The following CELA3B variants were observed in gnomAD, a reference collection of about 807,000 sequenced individuals.
The protein encoded by CELA3B is chymotrypsin like elastase 3B.
A neutral mutation model predicts 37.2 loss-of-function variants in CELA3B; 34 were observed. That is an observed-to-expected ratio of 0.91 (90% CI 0.70 to 1.22). CELA3B has a LOEUF of 1.22. CELA3B is among the 50% of genes most tolerant of loss of function. CELA3B has a pLI of 0.00. For missense variants in CELA3B, 340 were observed against 363.1 expected, an observed-to-expected ratio of 0.94 and a Z score of 0.52; for synonymous variants, 127 against 143.5, an observed-to-expected ratio of 0.89 and a Z score of 0.82.
chr1:21,985,814 C>G (rs112193378), intron 6 of CELA3B, among the ~76,000 whole-genome samples: 69,782 of 151,788 alleles, frequency 0.46, 19,249 homozygotes, highest in Middle Eastern at 0.69. Context: ...TGGTGTGAAC[C>G]TGGGAGGCGG....
chr1:21,980,674 G>A lies in CELA3B; in HGVS notation c.130-150G>A. 4.8e-6 allele frequency: 3 copies of A among 622,272 alleles called. No homozygotes were observed. The South Asian group carries it at 6.0e-5, about 13-fold the overall frequency. 38.5% of individuals were successfully genotyped at this position (622,272 alleles called of 1,614,324 possible). On this transcript the variant is annotated intron_variant, in intron 2 of 7. Transcript: ENST00000337107. ...ACCACGGGCAGCTGCCCAGGTCGCAGGTTGTATGCTGCATATTTCAGTGGG... is the reference window on the plus strand; with the variant it reads ...ACCACGGGCAGCTGCCCAGGTCGCAAGTTGTATGCTGCATATTTCAGTGGG...
rs1414022089 is a variant in CELA3B at position 21,984,240 on chromosome 1, A to G, written c.551A>G (p.Asp184Gly). The G allele has an allele frequency of 1.2e-6, 2 of 1,614,050 alleles. No homozygotes were observed. Among genetic ancestry groups the G allele is most frequent in the Admixed American group, 1.7e-5 (1 of 60,000 alleles). The change falls in exon 6 of 8, where the codon GAC becomes GGC. Residue 184 changes from aspartate (D) to glycine (G), a missense_variant. Coordinates refer to ENST00000337107, the MANE Select transcript of CELA3B (RefSeq NM_007352.4). ...CAGGAGGCCCTGCTGCCGGTGGTGG[A>G]CTATGAACACTGCTCCAGGTGGAAC... ...KLQEALLPVV[D>G]YEHCSRWNWW...
At chr1:21,998,316 C>T (rs1644899808) in exon 5 of CELA3B, 6 of 436,262 alleles carry the variant, frequency 1.4e-5, no homozygotes, top group South Asian at 9.9e-5. Context: ...TAGTTCTTCA[C>T]TGAGTGCCCA....
chr1:21,977,338 C>T (rs977503634), intron 1 of CELA3B, among the ~76,000 whole-genome samples: 9 of 152,086 alleles, frequency 5.9e-5, no homozygotes, highest in Non-Finnish European at 1.3e-4. Context: ...CAAAGTCAAA[C>T]GGTTAAGAGT....
intron 7 of CELA3B, chr1:21,987,645 G>T (rs1644847272): frequency 6.6e-6 from 1 of 151,212 alleles, no homozygotes; most frequent in South Asian, 2.1e-4. Context: ...ACCACCAGGT[G>T]GCCTAAGGAG....
At chr1:21,980,765 G>A in intron 2 of CELA3B, 59 bp from the exon 3 acceptor site, 1 of 1,209,648 alleles carries the variant, frequency 8.3e-7, no homozygotes, top group South Asian at 1.3e-5. Flanking sequence ...TACAGCCATT[G>A]GTGGCAACTC....
At chr1:21,982,701 T>A (rs188326580) in intron 4 of CELA3B, among the ~76,000 whole-genome samples, 1 of 151,990 alleles carries the variant, frequency 6.6e-6, no homozygotes, top group East Asian at 1.9e-4. Context: ...TTTTTGAGAC[T>A]GAGTCTCGCT....
intron 4 of CELA3B, among the ~76,000 whole-genome samples, chr1:21,981,765 G>A (rs867235923): frequency 8.0e-5 from 12 of 149,220 alleles, no homozygotes; most frequent in East Asian, 2.0e-4. Flanking sequence ...TCGCTCTGTC[G>A]CCCAGGCTGG....
intron 4 of CELA3B, among the ~76,000 whole-genome samples, chr1:21,996,043 G>A (rs1644888748): frequency 1.3e-5 from 2 of 150,882 alleles, no homozygotes; most frequent in African/African-American, 4.9e-5. Flanking sequence ...GCAAAATGAG[G>A]TCTCTACACA....
Position 21,977,069 on chromosome 1 carries a change from C to A in CELA3B, c.30C>A (p.Leu10=). 1.2e-6 allele frequency: 2 copies of A among 1,614,192 alleles called. No individual in the cohort carries two copies. The highest frequency in any genetic ancestry group is 1.7e-5 in the Admixed American group (1 of 60,012). The change falls in exon 1 of 8, where the codon CTC becomes CTA. Residue 10 remains leucine (L), a synonymous_variant. Coordinates refer to ENST00000337107, the MANE Select transcript of CELA3B (RefSeq NM_007352.4). Reference sequence around the variant, plus strand: ...TGCTCCGGCTGCTCAGTTCCCTCCTCCTTGTGGCCGTTGGTAAGACCCCAA... The same window carrying A: ...TGCTCCGGCTGCTCAGTTCCCTCCTACTTGTGGCCGTTGGTAAGACCCCAA... The part of the protein sequence containing the change: MMLRLLSSL[L]LVAVASGYGP...
At chr1:21,988,242 AC>A (rs373445915) in intron 7 of CELA3B, among the ~76,000 whole-genome samples, 7,301 of 146,826 alleles carry the variant, frequency 0.05, 186 homozygotes, top group African/African-American at 0.1. Context: ...AAACAAAAAA[AC>A]AGTGATGATT....
At chr1:21,993,108 A>T (rs1236181824), downstream of CELA3B, among the ~76,000 whole-genome samples, 1 of 151,536 alleles carries the variant, frequency 6.6e-6, no homozygotes, top group African/African-American at 2.4e-5. Context: ...TTCCGCACTA[A>T]AATACCAAGG....
intron 4 of CELA3B, among the ~76,000 whole-genome samples, chr1:21,995,574 C>A (rs977624515): frequency 2.0e-5 from 3 of 151,128 alleles, no homozygotes; most frequent in Non-Finnish European, 4.4e-5. Context: ...TTCAGGTTGA[C>A]CATGTAAAGG....
At chr1:21,997,709 T>A (rs1177720563) in intron 4 of CELA3B, among the ~76,000 whole-genome samples, 1 of 151,060 alleles carries the variant, frequency 6.6e-6, no homozygotes, top group Non-Finnish European at 1.5e-5. Flanking sequence ...AAAAAAATTA[T>A]GATCTTGCTC....
At chr1:21,987,841 T>G (rs1644848261) in intron 7 of CELA3B, 1 of 151,326 alleles carries the variant, frequency 6.6e-6, no homozygotes, top group Non-Finnish European at 1.5e-5. Context: ...GCACATGTAC[T>G]AAAATTGGAA....
chr1:21,981,818 C>T lies in CELA3B; in HGVS notation c.362+646C>T, dbSNP rs532311363. ...TCGGCTCACTGCAAGCTCTGCCTCCCGGGTTCACACCATTCTCCTGCCTCA... is the reference window on the plus strand; with the variant it reads ...TCGGCTCACTGCAAGCTCTGCCTCCTGGGTTCACACCATTCTCCTGCCTCA... On this transcript the variant is annotated intron_variant, in intron 4 of 7. Coordinates refer to ENST00000337107, the MANE Select transcript of CELA3B (RefSeq NM_007352.4). Among the ~76,000 whole-genome samples, 232 of 152,072 alleles carry T rather than the reference C, an allele frequency of 1.5e-3. 1 individual carries two copies. Among genetic ancestry groups the T allele is most frequent in the African/African-American group, 4.9e-3 (205 of 41,488 alleles).
chr1:21,994,176 G>A (rs917519575), downstream of CELA3B, among the ~76,000 whole-genome samples: 1 of 150,970 alleles, frequency 6.6e-6, no homozygotes, highest in African/African-American at 2.5e-5. Flanking sequence ...CTGGGCAGGG[G>A]CAGGCTGGAT....
chr1:21,991,272 A>C (rs565686669), downstream of CELA3B, among the ~76,000 whole-genome samples: 2 of 137,490 alleles, frequency 1.5e-5, no homozygotes, highest in South Asian at 4.9e-4. Context: ...TCCCAGGTTC[A>C]AGCGATTCTC....
chr1:21,998,039 CAA>C lies in CELA3B; in HGVS notation c.505-109_505-108del, dbSNP rs573416310. ...AGGAAAAGCTAATCGATAACACAAA[CAA>C]AAGTTATGCCTTCCTGTTTACATTA... On this transcript the variant is annotated intron_variant, in intron 4 of 4. Transcript: ENST00000400277. 387 of 414,818 alleles carry C rather than the reference CAA, an allele frequency of 9.3e-4. 19 individuals carry two copies. The highest frequency in any genetic ancestry group is 7.7e-3 in the African/African-American group (364 of 47,490). 25.7% of individuals were successfully genotyped at this position (414,818 alleles called of 1,614,324 possible).
Sources: gnomAD v4.1 joint callset for allele counts (sites outside exome capture counted in the v4.1 genomes callset) on GRCh38, gnomAD v4.1.1 for gene constraint, MANE v1.5 for transcripts, NCBI Gene and HGNC (gene_info 2026-07-23, HGNC 2026-07-21) for gene names.